Variants in CNDP1 observed in about 807,000 individuals in gnomAD.
CNDP1 encodes carnosine dipeptidase 1.
Under a neutral mutation model 58.1 loss-of-function variants are expected in CNDP1, and 44 were observed. The observed-to-expected ratio is 0.76, with a 90% CI of 0.60 to 0.97. CNDP1 has a LOEUF of 0.97. CNDP1 is among the 50% of genes least tolerant of loss of function. The pLI, the probability that CNDP1 is intolerant of heterozygous loss-of-function variation, is 0.00. For missense variants in CNDP1, 616 were observed against 655.1 expected, an observed-to-expected ratio of 0.94 and a Z score of 0.65; for synonymous variants, 254 against 252.6, an observed-to-expected ratio of 1.01 and a Z score of -0.05.
At chr18:74,539,465 C>T (rs1980562663) in intron 1 of CNDP1, among the ~76,000 whole-genome samples, 1 of 152,210 alleles carries the variant, frequency 6.6e-6, no homozygotes, top group South Asian at 2.1e-4. Context: ...CCAGCAAATG[C>T]CGGAGGGAGC....
At chr18:74,569,490 C>T (rs780827385) in intron 6 of CNDP1, among the ~76,000 whole-genome samples, 25 of 152,084 alleles carry the variant, frequency 1.6e-4, no homozygotes, top group Admixed American at 3.3e-4. Context: ...TGGAAGGCAC[C>T]GTAAGCATTC....
At chr18:74,556,604 G>T in intron 2 of CNDP1, 138 bp downstream of exon 2, 1 of 963,046 alleles carries the variant, frequency 1.0e-6, no homozygotes, top group Non-Finnish European at 1.6e-6. Context: ...TGCTCATTGG[G>T]TTAAAAATCT....
At position 74,550,419 on chromosome 18, in the gene CNDP1, G is replaced by C. The variant is rs1980871357; in HGVS notation, c.25-5919G>C. ...TTTGGAGTGGGAACATTTACCCAAT[G>C]CCTCTACCCTGATTGTATCTTGGAA... On this transcript the variant is annotated intron_variant, in intron 1 of 11. Coordinates refer to ENST00000358821, the MANE Select transcript of CNDP1 (RefSeq NM_032649.6). Among the ~76,000 whole-genome samples the C allele has an allele frequency of 2.6e-5, 4 of 152,266 alleles. No homozygotes were observed. In the South Asian group the frequency reaches 8.3e-4, roughly 32 times the overall value.
At chr18:74,539,496 C>T (rs913507555) in intron 1 of CNDP1, among the ~76,000 whole-genome samples, 1 of 152,204 alleles carries the variant, frequency 6.6e-6, no homozygotes, top group African/African-American at 2.4e-5. Flanking sequence ...ATGAGGCATT[C>T]GGATCCTTCC....
Position 74,556,946 on chromosome 18 carries a change from C to T in CNDP1, c.153+480C>T, listed in dbSNP as rs201657667. Reference sequence around the variant, plus strand: ...ATTTATTTGTTTTGAGACAGAGTCTCGCTCTGTCACCCAGGCTTGAGTGCA... The same window carrying T: ...ATTTATTTGTTTTGAGACAGAGTCTTGCTCTGTCACCCAGGCTTGAGTGCA... On this transcript the variant is annotated intron_variant, in intron 2 of 11. Coordinates refer to ENST00000358821, the MANE Select transcript of CNDP1 (RefSeq NM_032649.6). Among the ~76,000 whole-genome samples the T allele has an allele frequency of 4.6e-5, 7 of 152,136 alleles. No individual in the cohort carries two copies. In the East Asian group the frequency reaches 1.2e-3, roughly 25 times the overall value.
chr18:74,559,534 C>G lies in CNDP1; in HGVS notation c.303+62C>G. 13 of 1,521,112 alleles carry G rather than the reference C, an allele frequency of 8.5e-6. No individual in the cohort carries two copies. The Middle Eastern group carries it at 6.8e-4, about 79-fold the overall frequency. 94.2% of individuals were successfully genotyped at this position (1,521,112 alleles called of 1,614,324 possible). Reference sequence around the variant, plus strand: ...CTTCTAGACGTCAGTCATGCCTTCCCGGGGGTGGCAAGGGAGAGGCTCACC... The same window carrying G: ...CTTCTAGACGTCAGTCATGCCTTCCGGGGGGTGGCAAGGGAGAGGCTCACC... On this transcript the variant is annotated intron_variant, in intron 3 of 11. Transcript: ENST00000358821.
At position 74,567,008 on chromosome 18, in the gene CNDP1, C is replaced by T. The variant is rs1241746980; in HGVS notation, c.556-225C>T. 4.3e-5 allele frequency: 23 copies of T among 535,466 alleles called. 1 individual carries two copies. Among genetic ancestry groups the T allele is most frequent in the South Asian group, 1.9e-4 (9 of 48,530 alleles). 33.2% of individuals were successfully genotyped at this position (535,466 alleles called of 1,614,324 possible). On this transcript the variant is annotated intron_variant, in intron 5 of 11. Coordinates refer to ENST00000358821, the MANE Select transcript of CNDP1 (RefSeq NM_032649.6). ...TAGGTGGTGGCAGCAAGAGAAAATG[C>T]GGAAGAAGCAAACCCCTGATAAACC...
rs1980729617 is a variant in CNDP1 at position 74,545,234 on chromosome 18, A to G, written c.24+10543A>G. 6.6e-6 allele frequency among the ~76,000 whole-genome samples: 1 copy of G among 152,202 alleles called. No individual in the cohort carries two copies. Among genetic ancestry groups the G allele is most frequent in the Admixed American group, 6.5e-5 (1 of 15,284 alleles). On this transcript the variant is annotated intron_variant, in intron 1 of 11. Transcript: ENST00000358821. This position sits in a 1 kb window ranked among gnomAD's most constrained non-coding sequence, Gnocchi z 4.1. ...ATGGGAAAGCCCCGCCCTCTCCTCG[A>G]ATCTGCCTTGTTCTCGACTTTACAT...
intron 4 of CNDP1, 28 bp downstream of exon 4, chr18:74,561,046 G>C (rs750650288): frequency 6.3e-7 from 1 of 1,597,148 alleles, no homozygotes; most frequent in Non-Finnish European, 8.6e-7. Context: ...GCTACAGTGC[G>C]GTGCTGCTGT....
chr18:74,547,742 G>A (rs1053083687), intron 1 of CNDP1, among the ~76,000 whole-genome samples: 1 of 152,206 alleles, frequency 6.6e-6, no homozygotes, highest in Non-Finnish European at 1.5e-5. Flanking sequence ...AGAACAAGAT[G>A]TCAAGACACT....
At chr18:74,577,589 G>C (rs1159737052) in intron 8 of CNDP1, 2 of 152,652 alleles carry the variant, frequency 1.3e-5, no homozygotes, top group African/African-American at 4.8e-5. Flanking sequence ...TTGGTAGCTA[G>C]GGCTGGTTCC....
In CNDP1 at chr18:74,566,233, G is replaced by C. The variant is rs78919137; in HGVS notation, c.556-1000G>C. Among the ~76,000 whole-genome samples the C allele has an allele frequency of 5.5e-3, 841 of 152,348 alleles. 10 individuals carry two copies. The highest frequency in any genetic ancestry group is 0.019 in the African/African-American group (810 of 41,582). Reference sequence around the variant, plus strand: ...GGCCTCCAGGCCTGTGATGGGTGGGGCTGCCGTGAAGGTCTCTGACATGAC... The same window carrying C: ...GGCCTCCAGGCCTGTGATGGGTGGGCCTGCCGTGAAGGTCTCTGACATGAC... On this transcript the variant is annotated intron_variant, in intron 5 of 11. Coordinates refer to ENST00000358821, the MANE Select transcript of CNDP1 (RefSeq NM_032649.6).
At position 74,547,040 on chromosome 18, in the gene CNDP1, C is replaced by G. The variant is rs868471484; in HGVS notation, c.25-9298C>G. ...GGAAACCACGCCCTTGCTGACTCCT[C>G]CATGGGGACTTGCCGCCACAGTGAG... On this transcript the variant is annotated intron_variant, in intron 1 of 11. Coordinates refer to ENST00000358821, the MANE Select transcript of CNDP1 (RefSeq NM_032649.6). Among the ~76,000 whole-genome samples the G allele has an allele frequency of 4.0e-4, 61 of 152,214 alleles. 1 individual carries two copies. Among genetic ancestry groups the G allele is most frequent in the African/African-American group, 1.5e-3 (61 of 41,466 alleles).
At chr18:74,583,500 G>T in intron 10 of CNDP1, 61 bp from the exon 11 acceptor site, 2 of 1,434,340 alleles carry the variant, frequency 1.4e-6, no homozygotes, top group South Asian at 2.4e-5. Context: ...CTGACCTTGA[G>T]GAGCTTCCTG....
At chr18:74,569,275 G>A (rs1280388663) in intron 6 of CNDP1, among the ~76,000 whole-genome samples, 1 of 152,160 alleles carries the variant, frequency 6.6e-6, no homozygotes, top group African/African-American at 2.4e-5. Context: ...TGAAGATGAA[G>A]AGGAACAGAG....
At chr18:74,551,626 C>T (rs1282804042) in intron 1 of CNDP1, among the ~76,000 whole-genome samples, 1 of 152,130 alleles carries the variant, frequency 6.6e-6, no homozygotes, top group Non-Finnish European at 1.5e-5. Context: ...GCTGTCAGGG[C>T]CACTGTCAGG....
intron 4 of CNDP1, 119 bp downstream of exon 4, chr18:74,561,137 G>A (rs750408799): frequency 1.3e-5 from 16 of 1,251,884 alleles, no homozygotes; most frequent in Middle Eastern, 2.9e-4. Context: ...TGCATAGGCC[G>A]GGTGCGGTGG....
chr18:74,536,904 T>A (rs756049658), intron 1 of CNDP1, among the ~76,000 whole-genome samples: 5 of 152,276 alleles, frequency 3.3e-5, no homozygotes, highest in African/African-American at 7.2e-5. Context: ...CTGAGCTTTT[T>A]TTCATATGCT....
intron 2 of CNDP1, among the ~76,000 whole-genome samples, chr18:74,558,558 C>A (rs957235125): frequency 6.6e-6 from 1 of 151,986 alleles, no homozygotes; most frequent in African/African-American, 2.4e-5. Flanking sequence ...CCACACCTGG[C>A]TAATTTTTTG....
Sources: gnomAD v4.1 joint callset for allele counts (sites outside exome capture counted in the v4.1 genomes callset) on GRCh38, gnomAD v4.1.1 for gene constraint, Gnocchi (gnomAD v3.1) non-coding constraint, MANE v1.5 for transcripts, NCBI Gene and HGNC (gene_info 2026-07-23, HGNC 2026-07-21) for gene names.